Variants in CSMD1 observed in about 807,000 individuals in gnomAD.
CSMD1 encodes the protein CUB and sushi domain-containing protein 1.
Under a neutral mutation model 417.5 loss-of-function variants are expected in CSMD1, and 213 were observed. That is an observed-to-expected ratio of 0.51 (90% CI 0.46 to 0.57). CSMD1 has a LOEUF of 0.57. Among genes scored for constraint, CSMD1 ranks in the 20% least tolerant of loss-of-function variants. The probability of loss-of-function intolerance (pLI) is 0.00; values close to 1 mark genes in which losing one functional copy is unlikely to be tolerated. For synonymous variants in CSMD1, 2,862 were observed against 1,736.8 expected, an observed-to-expected ratio of 1.65 and a Z score of -16.11; for missense variants, 6,923 against 4,529.7, an observed-to-expected ratio of 1.53 and a Z score of -15.17.
intron 12 of CSMD1, among the ~76,000 whole-genome samples, chr8:3,451,497 G>C (rs996956998): frequency 3.3e-5 from 5 of 152,168 alleles, no homozygotes; most frequent in African/African-American, 1.2e-4. Flanking sequence ...TTTGTATAAG[G>C]TGTAAGGAAG....
intron 8 of CSMD1, among the ~76,000 whole-genome samples, chr8:3,615,996 A>C (rs1802118594): frequency 6.6e-6 from 1 of 152,326 alleles, no homozygotes; most frequent in East Asian, 1.9e-4. Flanking sequence ...CCATAATCCT[A>C]GTAAAATGAT....
At chr8:3,032,800 A>C (rs1282402250) in intron 50 of CSMD1, among the ~76,000 whole-genome samples, 1 of 152,064 alleles carries the variant, frequency 6.6e-6, no homozygotes, top group Non-Finnish European at 1.5e-5. Context: ...TCAAATGCTT[A>C]GTTTTGGCGC....
At chr8:3,973,306 G>C (rs1034739875) in intron 5 of CSMD1, among the ~76,000 whole-genome samples, 1 of 152,156 alleles carries the variant, frequency 6.6e-6, no homozygotes, top group African/African-American at 2.4e-5. Flanking sequence ...CGAGGGATTT[G>C]AATATCAGTT....
At chr8:4,067,981 A>G (rs906755495) in intron 3 of CSMD1, among the ~76,000 whole-genome samples, 1 of 152,060 alleles carries the variant, frequency 6.6e-6, no homozygotes, top group Non-Finnish European at 1.5e-5. Flanking sequence ...GGAGGCTGAG[A>G]AAGGAGAATC....
At chr8:3,203,421 G>A (rs951500342) in intron 31 of CSMD1, among the ~76,000 whole-genome samples, 5 of 152,180 alleles carry the variant, frequency 3.3e-5, no homozygotes, top group Admixed American at 1.3e-4. Flanking sequence ...GTGATGAGAA[G>A]AACAAACAAA....
intron 1 of CSMD1, among the ~76,000 whole-genome samples, chr8:4,801,058 GA>G (rs1294238883): frequency 2.6e-5 from 4 of 151,892 alleles, no homozygotes; most frequent in African/African-American, 9.7e-5. Flanking sequence ...AAGTAAAAGG[GA>G]AAAAAACCTA....
intron 2 of CSMD1, among the ~76,000 whole-genome samples, chr8:4,566,894 G>A (rs1383124923): frequency 6.6e-6 from 1 of 152,144 alleles, no homozygotes; most frequent in African/African-American, 2.4e-5. Flanking sequence ...ATGTTTTCCA[G>A]CAATGAGAAA....
intron 1 of CSMD1, among the ~76,000 whole-genome samples, chr8:4,925,924 C>T (rs897395029): frequency 6.6e-6 from 1 of 152,148 alleles, no homozygotes; most frequent in Non-Finnish European, 1.5e-5. Context: ...TTTCCCTGGT[C>T]ATTTGATGCA....
chr8:3,401,204 G>C (rs779318867), intron 15 of CSMD1, among the ~76,000 whole-genome samples: 22 of 151,864 alleles, frequency 1.4e-4, no homozygotes, highest in Admixed American at 1.3e-3. Context: ...GGCAGATGCA[G>C]AATTCCAAAA....
chr8:3,382,311 G>C (rs1200753568), intron 18 of CSMD1, among the ~76,000 whole-genome samples: 1 of 147,650 alleles, frequency 6.8e-6, no homozygotes, highest in East Asian at 2.0e-4. Context: ...AGTTTATTGG[G>C]TTAGGGTTAT....
Position 4,853,735 on chromosome 8 carries a change from G to C in CSMD1, c.85+140597C>G, listed in dbSNP as rs568376198. ...AGATCTAACAGCATCATGCAATCTC[G>C]TCATGGAAAAGTCATAGGCACTCAA... On this transcript the variant is annotated intron_variant, in intron 1 of 69. Transcript: ENST00000635120. Among the ~76,000 whole-genome samples, 275 of 152,250 alleles carry C rather than the reference G, an allele frequency of 1.8e-3. 2 individuals carry two copies. Among genetic ancestry groups the C allele is most frequent in the Non-Finnish European group, 5.0e-4 (34 of 68,008 alleles).
chr8:4,907,049 A>T (rs183981435), intron 1 of CSMD1, among the ~76,000 whole-genome samples: 1 of 152,336 alleles, frequency 6.6e-6, no homozygotes, highest in Non-Finnish European at 1.5e-5. Context: ...CATTCAACAT[A>T]ACAGTGAGAG....
chr8:3,216,689 T>C (rs1197216724), intron 29 of CSMD1, among the ~76,000 whole-genome samples: 1 of 152,262 alleles, frequency 6.6e-6, no homozygotes, highest in Non-Finnish European at 1.5e-5. Context: ...GCCAGGCTTC[T>C]AACTAGATGA....
rs373147060 is a variant in CSMD1, at chr8:3,284,343, G to T, written c.3954C>A (p.Leu1318=). The T allele has an allele frequency of 1.2e-6, 2 of 1,612,530 alleles. No individual in the cohort carries two copies. The change falls in exon 26 of 70, where the codon CTC becomes CTA. Residue 1318 remains leucine, a synonymous_variant. Coordinates refer to ENST00000635120, the MANE Select transcript of CSMD1 (RefSeq NM_033225.6). ...TCTCCGTGTCGAAAACAATGAAATG[G>T]AGGCTGCAAGAGAGAACACAGTAGC... ...IEADPGKTIS[L]HFIVFDTEMA...
At chr8:4,305,465 C>T (rs1249169562) in intron 3 of CSMD1, among the ~76,000 whole-genome samples, 1 of 152,188 alleles carries the variant, frequency 6.6e-6, no homozygotes, top group Admixed American at 6.5e-5. Context: ...CAGCTGGAAT[C>T]ACTGTAAAAT....
chr8:3,574,855 G>C, intron 10 of CSMD1, 90 bp downstream of exon 10: 3 of 1,416,660 alleles, frequency 2.1e-6, no homozygotes, highest in Non-Finnish European at 2.9e-6. Context: ...GTGTAAGCAC[G>C]GATAGCATTT....
intron 3 of CSMD1, among the ~76,000 whole-genome samples, chr8:4,304,532 C>A (rs1201646392): frequency 3.3e-5 from 5 of 152,146 alleles, no homozygotes; most frequent in Non-Finnish European, 5.9e-5. Context: ...GACTGGGCCA[C>A]CTGCTAGCTC....
At chr8:3,719,939 G>A (rs1029273896) in intron 6 of CSMD1, among the ~76,000 whole-genome samples, 23 of 152,080 alleles carry the variant, frequency 1.5e-4, no homozygotes, top group South Asian at 6.2e-4. Context: ...CAGATTCCTC[G>A]TGTGTTTAAT....
At chr8:4,696,288 T>C (rs1455092395) in intron 1 of CSMD1, among the ~76,000 whole-genome samples, 1 of 152,222 alleles carries the variant, frequency 6.6e-6, no homozygotes, top group Non-Finnish European at 1.5e-5. Context: ...GTACTCTGTG[T>C]CCATTTATTG....
Sources: gnomAD v4.1 joint callset for allele counts (sites outside exome capture counted in the v4.1 genomes callset) on GRCh38, gnomAD v4.1.1 for gene constraint, MANE v1.5 for transcripts, NCBI Gene and HGNC (gene_info 2026-07-23, HGNC 2026-07-21) for gene names.